CYFIP1: variants seen among roughly 807,000 people sequenced by gnomAD.
CYFIP1 encodes the protein cytoplasmic FMR1-interacting protein 1.
CYFIP1 carries 58 observed loss-of-function variants against 163.5 expected under a neutral mutation model. That is an observed-to-expected ratio of 0.35 (90% CI 0.29 to 0.44). The LOEUF (loss-of-function observed/expected upper bound fraction) is 0.44. Ranked by LOEUF, CYFIP1 falls within the 20% of genes least tolerant of loss-of-function variation. The pLI is 1.00. For missense variants in CYFIP1, 1,338 were observed against 1,653.8 expected, an observed-to-expected ratio of 0.81 and a Z score of 3.31; for synonymous variants, 663 against 660.7, an observed-to-expected ratio of 1.00 and a Z score of -0.05.
Position 22,870,150 on chromosome 15 carries a change from G to C in CYFIP1, c.3640C>G (p.Leu1214Val). The change falls in exon 31 of 31, where the codon CTC (leucine) becomes GTC (valine). Residue 1214 changes from leucine to valine, a missense_variant. Physicochemically the swap from Leu to Val is conservative, Grantham distance 32 (BLOSUM62 1). Transcript: ENST00000617928. ...AGGATGGTGATGATCTCATCATTGA[G>C]AATCTGGAACTTGCGAATTCTCTCC... ...MVERIRKFQI[L>V]NDEIITILDK... 1 of 1,612,256 alleles carries C rather than the reference G, an allele frequency of 6.2e-7. No homozygotes were observed. Among genetic ancestry groups the C allele is most frequent in the South Asian group, 1.1e-5 (1 of 90,582 alleles).
intron 1 of CYFIP1, among the ~76,000 whole-genome samples, chr15:22,971,956 AGCAATCTACAGATTCAAT>A (rs756809317): frequency 9.9e-5 from 14 of 141,960 alleles, no homozygotes; most frequent in Admixed American, 1.4e-4. Context: ...ACAGATTCAA[AGCAATCTACAGATTCAAT>A]GCAATCTACA....
chr15:22,873,750 G>A (rs1318382351), intron 28 of CYFIP1, 21 bp from the exon 29 acceptor site: 2 of 1,592,940 alleles, frequency 1.3e-6, no homozygotes, highest in East Asian at 2.2e-5. Context: ...GACAAGCCGT[G>A]GAATGCCGTG....
chr15:22,883,410 C>T (rs988774528), intron 23 of CYFIP1, among the ~76,000 whole-genome samples: 8 of 152,078 alleles, frequency 5.3e-5, no homozygotes, highest in Non-Finnish European at 8.8e-5. Flanking sequence ...CCCCCGGAGC[C>T]GGGAGAGAGA....
chr15:22,968,506 A>G (rs1473058790), intron 1 of CYFIP1, among the ~76,000 whole-genome samples: 1 of 152,196 alleles, frequency 6.6e-6, no homozygotes, highest in Non-Finnish European at 1.5e-5. Flanking sequence ...TGGACTTGCC[A>G]GCCTCTACAA....
At chr15:22,939,057 G>T (rs1390895753) in intron 8 of CYFIP1, 135 bp downstream of exon 8, 13 of 1,065,176 alleles carry the variant, frequency 1.2e-5, no homozygotes, top group Non-Finnish European at 1.6e-5. Context: ...GTGTGCAAGG[G>T]CAGGACGCTG....
At chr15:22,901,685 A>C (rs974786081) in intron 22 of CYFIP1, among the ~76,000 whole-genome samples, 2 of 152,236 alleles carry the variant, frequency 1.3e-5, no homozygotes, top group Admixed American at 1.3e-4. Context: ...ACTAACCGGA[A>C]GTTAGGCCAG....
chr15:22,869,868 C>T lies in CYFIP1; in HGVS notation c.*160G>A. The T allele has an allele frequency of 1.7e-6, 1 of 578,384 alleles. No homozygotes were observed. The highest frequency in any genetic ancestry group is 2.7e-6 in the Non-Finnish European group (1 of 375,918). 35.8% of individuals were successfully genotyped at this position (578,384 alleles called of 1,614,324 possible). On this transcript the variant is annotated 3_prime_UTR_variant, in exon 31 of 31. Coordinates refer to ENST00000617928, the MANE Select transcript of CYFIP1 (RefSeq NM_014608.6). The stretch of plus-strand genomic sequence containing the variant: ...TACCAAAAGCATATACAATTTTAGT[C>T]TAGAAAAATAAGTCAATTTTATAAA...
intron 25 of CYFIP1, among the ~76,000 whole-genome samples, chr15:22,881,345 A>G (rs2059755760): frequency 6.6e-6 from 1 of 152,214 alleles, no homozygotes; most frequent in Admixed American, 6.5e-5. Context: ...TTTATGAGAC[A>G]ATGCTTTCTG....
intron 30 of CYFIP1, among the ~76,000 whole-genome samples, chr15:22,871,170 C>G (rs1483118141): frequency 1.3e-5 from 2 of 152,108 alleles, no homozygotes. Context: ...GGAAAGCAAT[C>G]TAAATTAACT....
At position 22,869,392 on chromosome 15, in the gene CYFIP1, G is replaced by T. The variant is rs1379915283; in HGVS notation, c.*636C>A. The T allele has an allele frequency of 6.6e-6, 1 of 152,190 alleles. No individual in the cohort carries two copies. Among genetic ancestry groups the T allele is most frequent in the African/African-American group, 2.4e-5 (1 of 41,410 alleles). 9.4% of individuals were successfully genotyped at this position (152,190 alleles called of 1,614,324 possible). A position where few individuals can be genotyped will look rare whatever the true frequency, so the allele number is the denominator to read the frequency against. ...AGGTGACCTCCATCCCAGCTGGCCT[G>T]GTATGTGAGTTCAGGTTAGAGTTCC... is the stretch of plus-strand genomic sequence containing the variant. On this transcript the variant is annotated 3_prime_UTR_variant, in exon 31 of 31. Transcript: ENST00000617928.
intron 23 of CYFIP1, among the ~76,000 whole-genome samples, chr15:22,885,775 G>C (rs1258804501): frequency 6.6e-6 from 1 of 152,006 alleles, no homozygotes; most frequent in Non-Finnish European, 1.5e-5. Context: ...CAAGTCTCTA[G>C]AGAGTTCCAA....
chr15:22,931,686 G>GAAAAAAAAAA lies in CYFIP1; in HGVS notation c.1110+527_1110+536dup, dbSNP rs766177290. ...CTTGGGATCCCTATAATGTTTTTCTGAAAAAAAAAAAAAAAAAAAAAAAAG... is the reference window on the plus strand; with the variant it reads ...CTTGGGATCCCTATAATGTTTTTCTGAAAAAAAAAAAAAAAAAAAAAAAAAAAAAAAAAAG... On this transcript the variant is annotated intron_variant, in intron 11 of 30. Transcript: ENST00000617928. Among the ~76,000 whole-genome samples the GAAAAAAAAAA allele has an allele frequency of 3.6e-3, 144 of 39,712 alleles. 16 individuals are homozygous for GAAAAAAAAAA. Among genetic ancestry groups the GAAAAAAAAAA allele is most frequent in the African/African-American group, 5.9e-3 (64 of 10,802 alleles). The allele number at this position is 39,712 out of a possible 152,430, so 26.1% of individuals were successfully genotyped here. A position where few individuals can be genotyped will look rare whatever the true frequency, so the allele number is the denominator to read the frequency against.
upstream of CYFIP1, chr15:22,980,469 G>C (rs1454030031): frequency 4.0e-5 from 6 of 151,818 alleles, no homozygotes; most frequent in East Asian, 1.2e-3. Context: ...CCGCGGCCCC[G>C]GCCGCTCCCT....
At chr15:22,956,944 C>T (rs55776079) in intron 1 of CYFIP1, among the ~76,000 whole-genome samples, 36,401 of 152,218 alleles carry the variant, frequency 0.24, 4,988 homozygotes, top group African/African-American at 0.36. Context: ...CAAGAGGGAG[C>T]TTTTCACAGG....
chr15:22,922,607 C>T (rs1270254167), intron 13 of CYFIP1, among the ~76,000 whole-genome samples: 2 of 152,210 alleles, frequency 1.3e-5, no homozygotes, highest in African/African-American at 4.8e-5. Flanking sequence ...TGGAGGGCCC[C>T]TCACACAACC....
intron 23 of CYFIP1, among the ~76,000 whole-genome samples, chr15:22,887,961 T>A (rs926365325): frequency 6.6e-6 from 1 of 152,072 alleles, no homozygotes; most frequent in Non-Finnish European, 1.5e-5. Context: ...GCAACTTGGG[T>A]GCTCTAACTT....
chr15:22,944,317 C>T (rs1251343936), intron 5 of CYFIP1, among the ~76,000 whole-genome samples: 1 of 151,608 alleles, frequency 6.6e-6, no homozygotes, highest in Non-Finnish European at 1.5e-5. Flanking sequence ...AAAGCAGGCT[C>T]CATGAAGGAA....
At chr15:22,911,402 G>A (rs1458498348) in intron 18 of CYFIP1, among the ~76,000 whole-genome samples, 2 of 152,206 alleles carry the variant, frequency 1.3e-5, no homozygotes, top group Non-Finnish European at 2.9e-5. Context: ...ACTGTGCATT[G>A]CAGGTGGGTT....
chr15:22,892,848 T>C (rs559195059), intron 23 of CYFIP1, 42 bp downstream of exon 23: 2 of 1,447,446 alleles, frequency 1.4e-6, no homozygotes, highest in African/African-American at 1.4e-5. Flanking sequence ...ACATGCTTCA[T>C]TATGAGCTTC....
Sources: allele counts gnomAD v4.1 joint callset (sites outside exome capture counted in the v4.1 genomes callset), GRCh38; gene constraint gnomAD v4.1.1; transcripts MANE v1.5; gene names NCBI Gene and HGNC (gene_info 2026-07-23, HGNC 2026-07-21).